Variants in AKAIN1 observed in about 807,000 individuals in gnomAD.
AKAIN1 encodes the protein A-kinase anchor inhibitor 1.
Under a neutral mutation model 3.7 loss-of-function variants are expected in AKAIN1, and 3 were observed. That is an observed-to-expected ratio of 0.82 (90% CI 0.37 to 2.12). AKAIN1 has a LOEUF of 2.12. Ranked by LOEUF, AKAIN1 falls within the 30% of genes most tolerant of loss-of-function variation. The probability of loss-of-function intolerance (pLI) is 0.06; values close to 1 mark genes in which losing one functional copy is unlikely to be tolerated. For synonymous variants in AKAIN1, 31 were observed against 30.8 expected, an observed-to-expected ratio of 1.01 and a Z score of -0.02; for missense variants, 82 against 82.7, an observed-to-expected ratio of 0.99 and a Z score of 0.03.
intron 1 of AKAIN1, among the ~76,000 whole-genome samples, chr18:5,151,379 A>G (rs2071079276): frequency 6.6e-6 from 1 of 152,168 alleles, no homozygotes; most frequent in Non-Finnish European, 1.5e-5. Flanking sequence ...ATCTACACCA[A>G]CTGCAAATAA....
intron 1 of AKAIN1, chr18:5,159,302 C>T (rs755960723): frequency 2.0e-5 from 3 of 152,078 alleles, no homozygotes; most frequent in Non-Finnish European, 2.9e-5. Context: ...CTGTGTCTCA[C>T]CCTGTGTCTC....
At chr18:5,197,507 A>AAAAAAAAC, upstream of AKAIN1, 1 of 1,223,568 alleles carries the variant, frequency 8.2e-7, no homozygotes, top group Non-Finnish European at 1.0e-6. This position sits in a 1 kb window ranked among gnomAD's most constrained non-coding sequence, Gnocchi z 6.9. Flanking sequence ...GATTTGTCAA[A>AAAAAAAAC]AAAAAAAAAC....
intron 1 of AKAIN1, among the ~76,000 whole-genome samples, chr18:5,184,935 C>T (rs72870827): frequency 0.09 from 13,684 of 152,144 alleles, 782 homozygotes; most frequent in Non-Finnish European, 0.12. Flanking sequence ...CATTATTTAA[C>T]TTCAAACTAT....
chr18:5,190,627 T>C (rs1426913574), intron 1 of AKAIN1, among the ~76,000 whole-genome samples: 2 of 152,126 alleles, frequency 1.3e-5, no homozygotes, highest in African/African-American at 4.8e-5. Flanking sequence ...GCTACTATAA[T>C]AAAAATATCA....
intron 1 of AKAIN1, among the ~76,000 whole-genome samples, chr18:5,182,948 C>A (rs75000800): frequency 6.6e-6 from 1 of 152,036 alleles, no homozygotes; most frequent in Non-Finnish European, 1.5e-5. Context: ...ACGGAAGATT[C>A]TTTCTAAAGA....
At chr18:5,187,590 C>G (rs1038640916) in intron 1 of AKAIN1, among the ~76,000 whole-genome samples, 1 of 152,120 alleles carries the variant, frequency 6.6e-6, no homozygotes, top group Admixed American at 6.6e-5. Context: ...TAACCCACTC[C>G]TACAATAATG....
chr18:5,175,823 T>A (rs916586076), intron 1 of AKAIN1, among the ~76,000 whole-genome samples: 3 of 152,316 alleles, frequency 2.0e-5, no homozygotes, highest in East Asian at 3.9e-4. Flanking sequence ...GGGTTTTTTT[T>A]AACTTAGTTA....
intron 1 of AKAIN1, among the ~76,000 whole-genome samples, chr18:5,169,252 T>C (rs404763): frequency 6.6e-6 from 1 of 152,106 alleles, no homozygotes; most frequent in Non-Finnish European, 1.5e-5. Flanking sequence ...GAGAGTCATA[T>C]GCTTTACTCA....
intron 1 of AKAIN1, among the ~76,000 whole-genome samples, chr18:5,196,733 T>A (rs1318289408): frequency 6.6e-6 from 1 of 152,210 alleles, no homozygotes; most frequent in African/African-American, 2.4e-5. Flanking sequence ...GTGCCGGTGC[T>A]GCTGGCGAAA....
intron 1 of AKAIN1, among the ~76,000 whole-genome samples, chr18:5,192,447 T>TTCTTTC (rs1191973527): frequency 2.9e-5 from 4 of 136,458 alleles, no homozygotes; most frequent in South Asian, 2.4e-4. Flanking sequence ...CTTTCTTTCT[T>TTCTTTC]TTTCTTTTCT....
chr18:5,172,908 TAA>T (rs1332396550), intron 1 of AKAIN1, among the ~76,000 whole-genome samples: 1 of 152,120 alleles, frequency 6.6e-6, no homozygotes, highest in East Asian at 1.9e-4. Flanking sequence ...CCTTTTGTTT[TAA>T]AGTTTGCAAC....
chr18:5,160,944 CTAGTACTTTA>C (rs201252561), intron 1 of AKAIN1, among the ~76,000 whole-genome samples: 4 of 111,422 alleles, frequency 3.6e-5, no homozygotes, highest in Non-Finnish European at 7.0e-5. Flanking sequence ...GTCTTAAATA[CTAGTACTTTA>C]TAAGCCTTAA....
At chr18:5,150,931 G>C (rs1415053713) in intron 1 of AKAIN1, among the ~76,000 whole-genome samples, 1 of 152,148 alleles carries the variant, frequency 6.6e-6, no homozygotes, top group Non-Finnish European at 1.5e-5. Context: ...TTATATTCCA[G>C]TGAGGCGGGT....
intron 1 of AKAIN1, among the ~76,000 whole-genome samples, chr18:5,183,336 C>T (rs1219440356): frequency 6.6e-6 from 1 of 151,816 alleles, no homozygotes; most frequent in Non-Finnish European, 1.5e-5. Context: ...AAATTATATT[C>T]AACATATTAG....
At chr18:5,184,847 A>G (rs554982586) in intron 1 of AKAIN1, among the ~76,000 whole-genome samples, 5 of 152,298 alleles carry the variant, frequency 3.3e-5, no homozygotes, top group Non-Finnish European at 7.4e-5. Flanking sequence ...AAACTATTTT[A>G]AAACTCATAT....
At chr18:5,194,954 C>A (rs1231175603) in intron 1 of AKAIN1, among the ~76,000 whole-genome samples, 4 of 152,124 alleles carry the variant, frequency 2.6e-5, no homozygotes, top group Admixed American at 6.5e-5. Context: ...GGTTGCAGTG[C>A]TGAAAATCTG....
chr18:5,166,541 A>G lies in AKAIN1; in HGVS notation c.17-20786T>C, dbSNP rs556348446. Reference sequence around the variant, plus strand: ...ATTCTCAGAGCCACCATACTTCTATATACTTCATGAAATAAGAACCATCTT... The same window carrying G: ...ATTCTCAGAGCCACCATACTTCTATGTACTTCATGAAATAAGAACCATCTT... On this transcript the variant is annotated intron_variant, in intron 1 of 1. Transcript: ENST00000434239. 1.8e-4 allele frequency among the ~76,000 whole-genome samples: 27 copies of G among 152,190 alleles called. No homozygotes were observed. The South Asian group carries it at 4.8e-3, about 27-fold the overall frequency.
At chr18:5,171,177 T>G (rs755159414) in intron 1 of AKAIN1, among the ~76,000 whole-genome samples, 2 of 152,112 alleles carry the variant, frequency 1.3e-5, no homozygotes, top group Admixed American at 1.3e-4. Flanking sequence ...ATTTTACACA[T>G]GAGGAAACTG....
chr18:5,195,214 CA>C (rs2071341107), intron 1 of AKAIN1, among the ~76,000 whole-genome samples: 1 of 152,156 alleles, frequency 6.6e-6, no homozygotes, highest in Non-Finnish European at 1.5e-5. Context: ...CCATCTCTGA[CA>C]GTTATGAATA....
Sources: allele counts gnomAD v4.1 joint callset (sites outside exome capture counted in the v4.1 genomes callset), GRCh38; gene constraint gnomAD v4.1.1; non-coding constraint Gnocchi (gnomAD v3.1); transcripts MANE v1.5; gene names NCBI Gene and HGNC (gene_info 2026-07-23, HGNC 2026-07-21).